ACVR1: variants seen among roughly 807,000 people sequenced by gnomAD.
ACVR1 encodes the protein activin receptor type-1.
Under a neutral mutation model 57.1 loss-of-function variants are expected in ACVR1, and 38 were observed. The ratio of observed to expected loss-of-function variants is 0.67; its 90% CI spans 0.51 to 0.87. ACVR1 has a LOEUF of 0.87. Among genes scored for constraint, ACVR1 ranks in the 40% least tolerant of loss-of-function variants. ACVR1 has a pLI of 0.00. For synonymous variants in ACVR1, 212 were observed against 228.1 expected, an observed-to-expected ratio of 0.93 and a Z score of 0.63; for missense variants, 463 against 638.2, an observed-to-expected ratio of 0.73 and a Z score of 2.96.
intron 2 of ACVR1, among the ~76,000 whole-genome samples, chr2:157,807,687 T>C (rs1290011258): frequency 1.3e-5 from 2 of 151,984 alleles, no homozygotes; most frequent in Admixed American, 1.3e-4. Flanking sequence ...AGGTAGACAC[T>C]GTCTCAGTCC....
intron 1 of ACVR1, among the ~76,000 whole-genome samples, chr2:157,861,302 T>C (rs757246571): frequency 2.0e-5 from 3 of 152,088 alleles, no homozygotes; most frequent in South Asian, 2.1e-4. Flanking sequence ...TAAATCTATA[T>C]AGAAGGATAG....
intron 7 of ACVR1, among the ~76,000 whole-genome samples, chr2:157,767,543 A>T (rs1034795023): frequency 1.3e-5 from 2 of 152,150 alleles, no homozygotes; most frequent in African/African-American, 2.4e-5. Flanking sequence ...GAGAAAAAAA[A>T]TTTTTTAAGA....
chr2:157,830,407 C>A (rs1460629683), intron 1 of ACVR1, among the ~76,000 whole-genome samples: 1 of 152,032 alleles, frequency 6.6e-6, no homozygotes, highest in Non-Finnish European at 1.5e-5. Context: ...GTTGTCATGG[C>A]TTTTAACTCA....
chr2:157,826,831 G>C (rs1263313323), intron 1 of ACVR1, among the ~76,000 whole-genome samples: 1 of 134,028 alleles, frequency 7.5e-6, no homozygotes, highest in Non-Finnish European at 1.6e-5. Flanking sequence ...GGAGAGGGGA[G>C]AGGGGAGAGG....
intron 1 of ACVR1, among the ~76,000 whole-genome samples, chr2:157,852,097 A>C (rs534036904): frequency 1.7e-4 from 26 of 152,236 alleles, no homozygotes; most frequent in Admixed American, 1.1e-3. Context: ...ATAGGCATCA[A>C]AACACTTTAA....
intron 9 of ACVR1, among the ~76,000 whole-genome samples, chr2:157,740,193 A>C (rs1574003416): frequency 6.6e-6 from 1 of 152,294 alleles, no homozygotes; most frequent in Middle Eastern, 3.4e-3. Context: ...TCAAAAAAAA[A>C]AAAAAACTAG....
intron 4 of ACVR1, 54 bp from the exon 5 acceptor site, chr2:157,778,396 T>G (rs1427293017): frequency 2.1e-6 from 3 of 1,424,894 alleles, no homozygotes; most frequent in Non-Finnish European, 2.9e-6. Context: ...GCTTACTTAT[T>G]ATTAGCATAA....
At chr2:157,828,586 C>T (rs1688475093) in intron 1 of ACVR1, among the ~76,000 whole-genome samples, 1 of 152,094 alleles carries the variant, frequency 6.6e-6, no homozygotes, top group African/African-American at 2.4e-5. Flanking sequence ...TGCGCTCCAG[C>T]CTGGGCAACA....
chr2:157,859,957 A>G (rs1689667828), intron 1 of ACVR1: 1 of 152,140 alleles, frequency 6.6e-6, no homozygotes, highest in Non-Finnish European at 1.5e-5. Context: ...ATTGCTTTGA[A>G]CAAACTTTCA....
At chr2:157,863,067 G>C (rs139037997) in intron 1 of ACVR1, among the ~76,000 whole-genome samples, 339 of 130,610 alleles carry the variant, frequency 2.6e-3, no homozygotes, top group African/African-American at 9.9e-3. Flanking sequence ...TGTCACCCAG[G>C]CTGGAATGCG....
intron 1 of ACVR1, among the ~76,000 whole-genome samples, chr2:157,844,860 T>G (rs1052847024): frequency 6.6e-6 from 1 of 152,158 alleles, no homozygotes. Context: ...AAGAGCTCCC[T>G]GGGCCCCCCC....
chr2:157,756,693 T>A (rs1289748164), intron 9 of ACVR1, among the ~76,000 whole-genome samples: 1 of 151,920 alleles, frequency 6.6e-6, no homozygotes, highest in African/African-American at 2.4e-5. Flanking sequence ...AGGAAACACT[T>A]CTACACTGCT....
chr2:157,787,261 A>C (rs1443175493), intron 3 of ACVR1, among the ~76,000 whole-genome samples: 1 of 152,074 alleles, frequency 6.6e-6, no homozygotes, highest in Non-Finnish European at 1.5e-5. Flanking sequence ...AATGTTGCAA[A>C]GACTTGGCTT....
At chr2:157,839,334 G>T (rs895064948) in intron 1 of ACVR1, among the ~76,000 whole-genome samples, 3 of 152,192 alleles carry the variant, frequency 2.0e-5, no homozygotes, top group Non-Finnish European at 4.4e-5. Context: ...AGCAATGAAT[G>T]CTGTCAGATA....
intron 9 of ACVR1, among the ~76,000 whole-genome samples, chr2:157,758,347 C>T (rs993000058): frequency 6.6e-6 from 1 of 151,946 alleles, no homozygotes; most frequent in Non-Finnish European, 1.5e-5. Flanking sequence ...GTGAAACCCA[C>T]AGATACAAAA....
At chr2:157,748,150 A>T (rs1685043374) in intron 9 of ACVR1, among the ~76,000 whole-genome samples, 1 of 152,204 alleles carries the variant, frequency 6.6e-6, no homozygotes, top group African/African-American at 2.4e-5. Context: ...ACTACTATTA[A>T]TCACAGCTGA....
At chr2:157,816,111 G>A (rs1277208191) in intron 2 of ACVR1, among the ~76,000 whole-genome samples, 1 of 152,086 alleles carries the variant, frequency 6.6e-6, no homozygotes, top group African/African-American at 2.4e-5. Flanking sequence ...AGAATGTATG[G>A]TCATGTTCCA....
chr2:157,741,068 G>C (rs1343634372), intron 9 of ACVR1, among the ~76,000 whole-genome samples: 6 of 152,146 alleles, frequency 3.9e-5, no homozygotes, highest in Non-Finnish European at 7.3e-5. Context: ...TAAATGCTGA[G>C]AGTGATAAAA....
chr2:157,870,741 AAGAAAG>A (rs2105389071), intron 1 of ACVR1, among the ~76,000 whole-genome samples: 1 of 152,344 alleles, frequency 6.6e-6, no homozygotes, highest in South Asian at 2.1e-4. Flanking sequence ...TAAATATAAA[AAGAAAG>A]AAAGAAACAT....
Sources: allele counts gnomAD v4.1 joint callset (sites outside exome capture counted in the v4.1 genomes callset), GRCh38; gene constraint gnomAD v4.1.1; transcripts MANE v1.5; gene names NCBI Gene and HGNC (gene_info 2026-07-23, HGNC 2026-07-21).